Variants in RBFOX1 observed in about 807,000 individuals in gnomAD.
The protein encoded by RBFOX1 is RNA binding protein fox-1 homolog 1.
Under a neutral mutation model 57.7 loss-of-function variants are expected in RBFOX1, and 8 were observed. The ratio of observed to expected loss-of-function variants is 0.14; its 90% CI spans 0.08 to 0.25. The LOEUF is 0.25. Among genes scored for constraint, RBFOX1 ranks in the 10% least tolerant of loss-of-function variants. The probability of loss-of-function intolerance (pLI) is 1.00; values close to 1 mark genes in which losing one functional copy is unlikely to be tolerated. For synonymous variants in RBFOX1, 326 were observed against 222.4 expected (o/e 1.47, Z -4.15); for missense variants, 611 against 548.5 (o/e 1.11, Z -1.14).
chr16:7,468,075 T>G (rs1256000753), intron 4 of RBFOX1, among the ~76,000 whole-genome samples: 3 of 152,210 alleles, frequency 2.0e-5, no homozygotes, highest in Non-Finnish European at 4.4e-5. Flanking sequence ...CTTAGCTGCT[T>G]GCAAATAAGC....
At chr16:5,658,082 G>C (rs2049512728) in intron 3 of RBFOX1, among the ~76,000 whole-genome samples, 1 of 152,148 alleles carries the variant, frequency 6.6e-6, no homozygotes, top group Admixed American at 6.5e-5. Flanking sequence ...CCAGGGCAGG[G>C]TTGGAGAGAA....
At chr16:6,102,193 A>T (rs2096319642) in intron 1 of RBFOX1, among the ~76,000 whole-genome samples, 1 of 151,678 alleles carries the variant, frequency 6.6e-6, no homozygotes, top group Non-Finnish European at 1.5e-5. Context: ...AAAAAAAAAA[A>T]AATGCACCCA....
chr16:6,193,146 C>T (rs918546074), intron 1 of RBFOX1, among the ~76,000 whole-genome samples: 29 of 151,698 alleles, frequency 1.9e-4, no homozygotes, highest in African/African-American at 3.6e-4. Context: ...GTTGGTGAGG[C>T]AATGTGTTCA....
At chr16:5,789,509 A>C (rs761491406) in intron 3 of RBFOX1, among the ~76,000 whole-genome samples, 4 of 152,138 alleles carry the variant, frequency 2.6e-5, no homozygotes, top group Non-Finnish European at 5.9e-5. Flanking sequence ...AGATGTTACT[A>C]TAGGGCATTT....
At chr16:6,528,006 T>C (rs2096604922) in intron 2 of RBFOX1, among the ~76,000 whole-genome samples, 1 of 152,164 alleles carries the variant, frequency 6.6e-6, no homozygotes, top group Non-Finnish European at 1.5e-5. Context: ...TGTGTGTTGA[T>C]TTGCATGGAT....
chr16:5,498,565 G>T (rs1042840118), intron 2 of RBFOX1, among the ~76,000 whole-genome samples: 9 of 152,188 alleles, frequency 5.9e-5, no homozygotes, highest in African/African-American at 1.9e-4. Context: ...GGGAGGAAAG[G>T]GGTGTGCATG....
rs189086428 is a variant in RBFOX1, at chr16:6,526,694, G to T, written c.-63-127909G>T. Reference sequence around the variant, plus strand: ...AAATACAAAAAATTAGCCGGGCGTGGTGGTGGGCACCTGTAGTCCCAGCTA... The same window carrying T: ...AAATACAAAAAATTAGCCGGGCGTGTTGGTGGGCACCTGTAGTCCCAGCTA... On this transcript the variant is annotated intron_variant, in intron 2 of 15. Coordinates refer to ENST00000550418, the MANE Select transcript of RBFOX1 (RefSeq NM_018723.4). Among the ~76,000 whole-genome samples the T allele has an allele frequency of 2.0e-4, 30 of 151,626 alleles. No homozygotes were observed. In the East Asian group the frequency reaches 5.5e-3, roughly 28 times the overall value.
At chr16:7,201,027 C>A (rs182594916) in intron 4 of RBFOX1, among the ~76,000 whole-genome samples, 115 of 152,264 alleles carry the variant, frequency 7.6e-4, no homozygotes, top group African/African-American at 2.4e-3. Flanking sequence ...TGGGGACTCT[C>A]TAAATAGCAA....
At chr16:7,008,369 C>G (rs145057510) in intron 3 of RBFOX1, among the ~76,000 whole-genome samples, 2,545 of 152,044 alleles carry the variant, frequency 0.017, 78 homozygotes, top group African/African-American at 0.057. Context: ...TGATGAAACC[C>G]TGTCTCTACT....
intron 3 of RBFOX1, among the ~76,000 whole-genome samples, chr16:6,900,844 G>C (rs763642888): frequency 6.6e-6 from 1 of 152,154 alleles, no homozygotes; most frequent in Non-Finnish European, 1.5e-5. Flanking sequence ...TTGAGTGTTT[G>C]TCTTTGTGTG....
chr16:7,099,863 A>G (rs2062372405), intron 4 of RBFOX1, among the ~76,000 whole-genome samples: 1 of 152,154 alleles, frequency 6.6e-6, no homozygotes, highest in Non-Finnish European at 1.5e-5. Flanking sequence ...GTGCGGTTAC[A>G]GCCTCTAAGT....
At chr16:6,735,792 C>G (rs2070074568) in intron 3 of RBFOX1, among the ~76,000 whole-genome samples, 1 of 152,148 alleles carries the variant, frequency 6.6e-6, no homozygotes, top group Non-Finnish European at 1.5e-5. Flanking sequence ...GGTTCCTCTC[C>G]CCCTGTGAAG....
At chr16:6,228,136 C>A (rs1042041518) in intron 1 of RBFOX1, among the ~76,000 whole-genome samples, 4 of 152,030 alleles carry the variant, frequency 2.6e-5, no homozygotes, top group Non-Finnish European at 5.9e-5. Flanking sequence ...CATGGTGAAA[C>A]CCCATCTCTA....
At chr16:7,389,413 A>G (rs1449450697) in intron 4 of RBFOX1, among the ~76,000 whole-genome samples, 1 of 152,200 alleles carries the variant, frequency 6.6e-6, no homozygotes, top group African/African-American at 2.4e-5. Flanking sequence ...GGCATGAGCC[A>G]CAGTGCCCAG....
At chr16:5,961,797 G>T (rs2079743) in intron 4 of RBFOX1, among the ~76,000 whole-genome samples, 16,910 of 152,198 alleles carry the variant, frequency 0.11, 1,051 homozygotes, top group Middle Eastern at 0.21. Flanking sequence ...CAAAGCACTG[G>T]GGTTGCATGC....
chr16:6,817,041 C>T (rs918010294), intron 3 of RBFOX1, among the ~76,000 whole-genome samples: 4 of 152,138 alleles, frequency 2.6e-5, no homozygotes, highest in African/African-American at 7.2e-5. Flanking sequence ...AGTCACCATG[C>T]TCAGCCTCTT....
intron 4 of RBFOX1, among the ~76,000 whole-genome samples, chr16:7,272,973 C>T (rs2095357012): frequency 8.9e-6 from 1 of 111,868 alleles, no homozygotes. Flanking sequence ...TTCCTTCTTT[C>T]CTTCCGTCCC....
chr16:5,304,718 A>G lies in RBFOX1; in HGVS notation c.219+64613A>G, dbSNP rs373489986. Among the ~76,000 whole-genome samples, 4 of 152,224 alleles carry G rather than the reference A, an allele frequency of 2.6e-5. No individual in the cohort carries two copies. The East Asian group carries it at 5.8e-4, about 22-fold the overall frequency. ...GACAGAAGAAATAAGACTCATAAAC[A>G]TACAACTCCATCTATCATAACTGGT... is the stretch of plus-strand genomic sequence containing the variant. On this transcript the variant is annotated intron_variant, in intron 1 of 2. Coordinates refer to the RBFOX1 transcript ENST00000585867.
intron 4 of RBFOX1, among the ~76,000 whole-genome samples, chr16:7,383,972 T>C (rs1192273369): frequency 6.6e-6 from 1 of 151,666 alleles, no homozygotes; most frequent in African/African-American, 2.4e-5. Flanking sequence ...GAGAATCACT[T>C]GAACCCAGTA....
Sources: gnomAD v4.1 joint callset for allele counts (sites outside exome capture counted in the v4.1 genomes callset) on GRCh38, gnomAD v4.1.1 for gene constraint, MANE v1.5 for transcripts, NCBI Gene and HGNC (gene_info 2026-07-23, HGNC 2026-07-21) for gene names.